PLEC: variants seen among roughly 807,000 people sequenced by gnomAD.
PLEC encodes hemidesmosomal protein 1.
A neutral mutation model predicts 392.8 loss-of-function variants in PLEC; 216 were observed. The ratio of observed to expected loss-of-function variants is 0.55; its 90% CI spans 0.49 to 0.62. The LOEUF (loss-of-function observed/expected upper bound fraction) is 0.62, where lower values mean the gene tolerates loss of function less well. Among genes scored for constraint, PLEC ranks in the 20% least tolerant of loss-of-function variants. The pLI, the probability that PLEC is intolerant of heterozygous loss-of-function variation, is 0.00. For missense variants in PLEC, 6,863 were observed against 6,563.4 expected (o/e 1.05, Z -1.58); for synonymous variants, 3,621 against 2,980.6 (o/e 1.21, Z -7.00).
chr8:143,933,440 T>TC, intron 12 of PLEC, 89 bp from the exon 13 acceptor site: 1 of 1,516,204 alleles, frequency 6.6e-7, no homozygotes, highest in Non-Finnish European at 9.0e-7. Context: ...CTCAGCCGCT[T>TC]CCTCAGCCTC....
rs1823194085 is a variant in PLEC, at chr8:143,922,518, G to A, written c.7411C>T (p.Leu2471Phe). 1.9e-6 allele frequency: 3 copies of A among 1,610,236 alleles called. No homozygotes were observed. Among genetic ancestry groups the A allele is most frequent in the African/African-American group, 1.3e-5 (1 of 74,942 alleles). Residue 2471 changes from leucine (L) to phenylalanine (F), a missense_variant, in exon 31 of 32, where the codon CTC becomes TTC. By Grantham distance (22) the Leu-to-Phe change is conservative. Coordinates refer to ENST00000345136, the MANE Select transcript of PLEC (RefSeq NM_201384.3). ...KLQQEAKLLQLKSEEMQTVQQ... is the reference protein window; with the variant it reads ...KLQQEAKLLQFKSEEMQTVQQ... Reference sequence around the variant, plus strand: ...GGGGGCGGTACCTCCTCAGACTTGAGCTGCAGCAGTTTGGCCTCCTGTTGG... The same window carrying A: ...GGGGGCGGTACCTCCTCAGACTTGAACTGCAGCAGTTTGGCCTCCTGTTGG...
chr8:143,942,570 C>G, upstream of PLEC: 1 of 1,488,804 alleles, frequency 6.7e-7, no homozygotes, highest in Non-Finnish European at 8.9e-7. Flanking sequence ...GGAGCTGGAC[C>G]GCGGCGGCGC....
intron 1 of PLEC, among the ~76,000 whole-genome samples, chr8:143,971,783 C>T (rs1833443362): frequency 6.6e-6 from 1 of 151,970 alleles, no homozygotes. Context: ...TTCAGGCAAG[C>T]CCCCCGGCCC....
At position 143,918,836 on chromosome 8, in the gene PLEC, G is replaced by A; in HGVS notation, c.10985C>T (p.Thr3662Ile). Residue 3662 changes from threonine to isoleucine, a missense_variant, in exon 32 of 32, where the codon ACC becomes ATC. Coordinates refer to ENST00000345136, the MANE Select transcript of PLEC (RefSeq NM_201384.3). ...LFEARIISLE[T>I]YNLLREGTRS... ...GGTGCCCTCCCGGAGCAGGTTGTAG[G>A]TCTCGAGAGAGATGATCCGAGCCTC... 6.2e-7 allele frequency: 1 copy of A among 1,613,080 alleles called. No homozygotes were observed. The highest frequency in any genetic ancestry group is 8.5e-7 in the Non-Finnish European group (1 of 1,180,020).
intron 1 of PLEC, among the ~76,000 whole-genome samples, chr8:143,961,483 C>T (rs1275914051): frequency 1.3e-5 from 2 of 152,186 alleles, no homozygotes; most frequent in Non-Finnish European, 2.9e-5. Flanking sequence ...CTCGGCCCCC[C>T]AAAGTGTTGG....
At chr8:143,950,966 C>G, upstream of PLEC, 1 of 655,100 alleles carries the variant, frequency 1.5e-6, no homozygotes, top group South Asian at 2.1e-5. Context: ...GGGCCGGCCC[C>G]CTCTGACTCA....
chr8:143,933,440 T>C, intron 12 of PLEC, 89 bp from the exon 13 acceptor site: 1 of 1,516,204 alleles, frequency 6.6e-7, no homozygotes. Flanking sequence ...CTCAGCCGCT[T>C]CCTCAGCCTC....
intron 6 of PLEC, 68 bp downstream of exon 6, chr8:143,935,780 A>C (rs527792071): frequency 1.9e-6 from 3 of 1,551,404 alleles, no homozygotes; most frequent in Non-Finnish European, 2.7e-6. Context: ...AACGTGTCTG[A>C]AGTTGCCTAG....
At chr8:143,968,474 G>T (rs1279407604) in intron 1 of PLEC, among the ~76,000 whole-genome samples, 1 of 136,734 alleles carries the variant, frequency 7.3e-6, no homozygotes, top group African/African-American at 2.9e-5. Context: ...GGAGCCTGAG[G>T]TACAAGAGTC....
chr8:143,942,303 C>T, upstream of PLEC: 3 of 1,512,862 alleles, frequency 2.0e-6, no homozygotes, highest in South Asian at 1.1e-5. Flanking sequence ...CATCCCAGCC[C>T]AGGCGGCGGT....
upstream of PLEC, among the ~76,000 whole-genome samples, chr8:143,958,206 C>A (rs147358418): frequency 6.6e-6 from 1 of 152,162 alleles, no homozygotes; most frequent in Non-Finnish European, 1.5e-5. The surrounding 1 kb of genome is among the most constrained non-coding windows in gnomAD (Gnocchi z 4.9). Context: ...GCCACCCCTG[C>A]GCAGGGTGGG....
At position 143,925,603 on chromosome 8, in the gene PLEC, C is replaced by T. The variant is rs369943756; in HGVS notation, c.4326G>A (p.Ala1442=). 1.1e-4 allele frequency: 177 copies of T among 1,581,016 alleles called. 2 individuals are homozygous for T. Among genetic ancestry groups the T allele is most frequent in the South Asian group, 1.1e-3 (96 of 88,982 alleles). Residue 1442 remains alanine (A), a synonymous_variant, in exon 31 of 32, where the codon GCG becomes GCA. Coordinates refer to ENST00000345136, the MANE Select transcript of PLEC (RefSeq NM_201384.3). The stretch of plus-strand genomic sequence containing the variant: ...CGATGCGCAGCCGGCTGCGCTCAGC[C>T]GCCTCTGCCTGCCGGGCCTTGGCCT... ...EIQAKARQAE[A]AERSRLRIEE...
rs201173462 is a variant in PLEC, at chr8:143,934,034, C to G, written c.1227G>C (p.Glu409Asp). Reference protein sequence around the residue: ...TKLQMEAGLCEEQLNQADALL... With the variant: ...TKLQMEAGLCDEQLNQADALL... The stretch of plus-strand genomic sequence containing the variant: ...GGGCGTCGGCCTGGTTCAGCTGCTC[C>G]TCACACAGCCCCGCCTCCATCTGCA... Residue 409 changes from glutamate (E) to aspartate (D), a missense_variant, in exon 12 of 32, where the codon GAG becomes GAC. By Grantham distance (45) the Glu-to-Asp change is conservative (BLOSUM62 2). Transcript: ENST00000345136. 6.2e-7 allele frequency: 1 copy of G among 1,611,516 alleles called. No homozygotes were observed. The highest frequency in any genetic ancestry group is 1.3e-5 in the African/African-American group (1 of 74,992).
At chr8:143,937,774 C>T (rs868944383) in intron 3 of PLEC, 57 of 507,742 alleles carry the variant, frequency 1.1e-4, no homozygotes, top group African/African-American at 5.7e-4. Context: ...GCTTACGTCC[C>T]GCTCCCTCGG....
chr8:143,917,992 G>T lies in PLEC; in HGVS notation c.11829C>A (p.Thr3943=). The T allele has an allele frequency of 6.2e-7, 1 of 1,612,532 alleles. No individual in the cohort carries two copies. ...SCIAGVFVDA[T]KERLSVYQAM... ...CCTGGTACACCGAGAGCCGTTCCTT[G>T]GTGGCGTCCACGAAGACACCAGCGA... is the stretch of plus-strand genomic sequence containing the variant. The change falls in exon 32 of 32, where the codon ACC becomes ACA. Residue 3943 remains threonine (T), a synonymous_variant. Coordinates refer to ENST00000345136, the MANE Select transcript of PLEC (RefSeq NM_201384.3).
In PLEC at chr8:143,917,182, G is replaced by A; in HGVS notation, c.12639C>T (p.Leu4213=). ...YDIDDAIAKN[L]IDRSALDQYR... ...ACTGGTCCAGTGCCGAGCGGTCGAT[G>A]AGGTTCTTGGCGATGGCATCATCGA... Residue 4213 remains leucine (L), a synonymous_variant, in exon 32 of 32, where the codon CTC becomes CTT. Transcript: ENST00000345136. The A allele has an allele frequency of 6.2e-7, 1 of 1,612,478 alleles. No individual in the cohort carries two copies. The highest frequency in any genetic ancestry group is 1.3e-5 in the African/African-American group (1 of 75,054).
intron 1 of PLEC, among the ~76,000 whole-genome samples, chr8:143,949,698 G>C (rs888214425): frequency 1.3e-5 from 2 of 152,170 alleles, no homozygotes; most frequent in South Asian, 4.1e-4. Context: ...CTCAGTTACC[G>C]GTCACACCGG....
Position 143,927,201 on chromosome 8 carries a change from T to C in PLEC, c.3840+51A>G. 3 of 1,591,958 alleles carry C rather than the reference T, an allele frequency of 1.9e-6. No homozygotes were observed. In the South Asian group the frequency reaches 3.3e-5, roughly 18 times the overall value. ...CAGGCTCAGGGAAAGCCCGCCATCA[T>C]CCTGGCAACGGTCCCGGACTTGGGG... On this transcript the variant is annotated intron_variant, in intron 28 of 31. Coordinates refer to ENST00000345136, the MANE Select transcript of PLEC (RefSeq NM_201384.3).
rs1554669288 is a variant in PLEC at position 143,916,492 on chromosome 8, C to G, written c.13329G>C (p.Lys4443Asn). Residue 4443 changes from lysine to asparagine, a missense_variant, in exon 32 of 32, where the codon AAG (lysine) becomes AAC (asparagine). By Grantham distance (94) the Lys-to-Asn change is moderately conservative (BLOSUM62 0). Transcript: ENST00000345136. ...KYLTCPKTKL[K>N]ISYKDALDRS... ...GGTCCAGCGCGTCCTTATAGGAGAT[C>G]TTGAGCTTGGTCTTAGGGCAGGTGA... is the stretch of plus-strand genomic sequence containing the variant. 1 of 1,611,908 alleles carries G rather than the reference C, an allele frequency of 6.2e-7. No individual in the cohort carries two copies. The highest frequency in any genetic ancestry group is 1.3e-5 in the African/African-American group (1 of 74,982).
Sources: allele counts gnomAD v4.1 joint callset (sites outside exome capture counted in the v4.1 genomes callset), GRCh38; gene constraint gnomAD v4.1.1; non-coding constraint Gnocchi (gnomAD v3.1); transcripts MANE v1.5; gene names NCBI Gene and HGNC (gene_info 2026-07-23, HGNC 2026-07-21).